VRTN: variants seen among roughly 807,000 people sequenced by gnomAD.
VRTN encodes vertnin.
In VRTN, 5 loss-of-function variants were observed where a neutral mutation model predicts 18.2. The ratio of observed to expected loss-of-function variants is 0.27; its 90% CI spans 0.14 to 0.58. The LOEUF is 0.58. Ranked by LOEUF, VRTN falls within the 20% of genes least tolerant of loss-of-function variation. The pLI is 0.91. For missense variants in VRTN, 741 were observed against 939.4 expected (o/e 0.79, Z 2.76); for synonymous variants, 381 against 393.7 (o/e 0.97, Z 0.38).
At chr14:74,344,990 T>C (rs1188538498), upstream of VRTN, among the ~76,000 whole-genome samples, 1 of 152,096 alleles carries the variant, frequency 6.6e-6, no homozygotes. Flanking sequence ...AGAGAAACTG[T>C]AGTAGAGAAA....
chr14:74,319,010 T>C lies in VRTN; in HGVS notation c.-164+15834T>C, dbSNP rs201016306. Among the ~76,000 whole-genome samples the C allele has an allele frequency of 1.3e-4, 19 of 147,856 alleles. No homozygotes were observed. The East Asian group carries it at 3.9e-3, about 30-fold the overall frequency. ...GATTACAGGCATGAGCCACTGTGCC[T>C]GGTCTCGGGATTTTTTTTTGTTGTT... is the stretch of plus-strand genomic sequence containing the variant. On this transcript the variant is annotated intron_variant, in intron 1 of 2. Coordinates refer to the VRTN transcript ENST00000557177.
rs184478228 is a variant in VRTN at position 74,358,940 on chromosome 14, G to T, written c.*48G>T. 34 of 1,561,840 alleles carry T rather than the reference G, an allele frequency of 2.2e-5. No homozygotes were observed. In the Admixed American group the frequency reaches 5.2e-4, roughly 24 times the overall value. ...GGAAGAAGGGGGACCAGTTTGGAGAGGGTCAGGGACCTGAGCTGACCCCAG... is the reference window on the plus strand; with the variant it reads ...GGAAGAAGGGGGACCAGTTTGGAGATGGTCAGGGACCTGAGCTGACCCCAG... On this transcript the variant is annotated 3_prime_UTR_variant, in exon 2 of 2. Transcript: ENST00000256362. The surrounding 1 kb of genome is among the most constrained non-coding windows in gnomAD (Gnocchi z 5.4).
intron 1 of VRTN, among the ~76,000 whole-genome samples, chr14:74,321,024 T>C (rs2085452995): frequency 6.6e-6 from 1 of 151,604 alleles, no homozygotes; most frequent in South Asian, 2.1e-4. Flanking sequence ...GCATATAAAG[T>C]TTATCAGTGG....
Position 74,322,849 on chromosome 14 carries a change from A to G in VRTN, c.-163-14874A>G, listed in dbSNP as rs114226566. ...AGTGAATGAACTTAAAAAGCATACTAGGGACCGGGCACGGTGGCTCACGCC... is the reference window on the plus strand; with the variant it reads ...AGTGAATGAACTTAAAAAGCATACTGGGGACCGGGCACGGTGGCTCACGCC... On this transcript the variant is annotated intron_variant, in intron 1 of 2. Coordinates refer to the VRTN transcript ENST00000557177. Among the ~76,000 whole-genome samples the G allele has an allele frequency of 4.8e-3, 730 of 152,276 alleles. 3 individuals carry two copies. The highest frequency in any genetic ancestry group is 0.017 in the African/African-American group (695 of 41,558).
rs562837416 is a variant in VRTN, at chr14:74,334,928, A to T, written c.-163-2795A>T. On this transcript the variant is annotated intron_variant, in intron 1 of 2. Coordinates refer to the VRTN transcript ENST00000557177. ...ATTGAGTAACTTGAAGAATACGAAG[A>T]CAAAGAGTATGATTCCTGCCTTCAA... is the stretch of plus-strand genomic sequence containing the variant. Among the ~76,000 whole-genome samples the T allele has an allele frequency of 7.2e-5, 11 of 152,304 alleles. No individual in the cohort carries two copies. The South Asian group carries it at 2.3e-3, about 32-fold the overall frequency.
chr14:74,334,488 C>T (rs1261967478), intron 1 of VRTN, among the ~76,000 whole-genome samples: 1 of 152,116 alleles, frequency 6.6e-6, no homozygotes, highest in East Asian at 1.9e-4. Context: ...TGAGATTGCA[C>T]CACTGCACTC....
chr14:74,332,185 A>G (rs1367855893), intron 1 of VRTN, among the ~76,000 whole-genome samples: 1 of 151,070 alleles, frequency 6.6e-6, no homozygotes, highest in African/African-American at 2.4e-5. Flanking sequence ...TGCACAGAGG[A>G]CCCCTCCCAA....
At chr14:74,333,244 G>A (rs995706853) in intron 1 of VRTN, among the ~76,000 whole-genome samples, 2 of 151,538 alleles carry the variant, frequency 1.3e-5, no homozygotes, top group African/African-American at 4.8e-5. Flanking sequence ...TTAACTGGGT[G>A]TGGTGGCATG....
intron 1 of VRTN, among the ~76,000 whole-genome samples, chr14:74,311,352 C>T (rs1460561159): frequency 6.6e-6 from 1 of 152,080 alleles, no homozygotes; most frequent in Non-Finnish European, 1.5e-5. Context: ...TAATATATTT[C>T]ACACATACCC....
chr14:74,310,845 TA>T (rs1357022808), intron 1 of VRTN, among the ~76,000 whole-genome samples: 2 of 152,074 alleles, frequency 1.3e-5, no homozygotes, highest in African/African-American at 4.8e-5. Flanking sequence ...GTGAGGTTTT[TA>T]AATTTTTCTT....
chr14:74,320,406 G>C (rs558988079), intron 1 of VRTN, among the ~76,000 whole-genome samples: 1 of 149,724 alleles, frequency 6.7e-6, no homozygotes, highest in South Asian at 2.1e-4. Flanking sequence ...GACTACAGGC[G>C]CCCGCCGCCA....
At chr14:74,328,931 T>TTGAGACCAGACTGGCTATATAG (rs1315266730) in intron 1 of VRTN, among the ~76,000 whole-genome samples, 1 of 152,064 alleles carries the variant, frequency 6.6e-6, no homozygotes, top group Non-Finnish European at 1.5e-5. Context: ...GGTCAGGGGT[T>TTGAGACCAGACTGGCTATATAG]TGAGACCAGA....
At chr14:74,303,842 G>GCTTTT (rs1567031977) in intron 1 of VRTN, among the ~76,000 whole-genome samples, 1 of 120,870 alleles carries the variant, frequency 8.3e-6, no homozygotes, top group African/African-American at 4.0e-5. Context: ...GACAATTACA[G>GCTTTT]ATTTTTTTTT....
At chr14:74,320,898 T>TAA (rs766559301) in intron 1 of VRTN, among the ~76,000 whole-genome samples, 1,950 of 83,534 alleles carry the variant, frequency 0.023, 60 homozygotes, top group African/African-American at 0.05. Flanking sequence ...CCCATCTCTT[T>TAA]AAAAAAAAAA....
chr14:74,307,755 G>C (rs1304189021), intron 1 of VRTN, among the ~76,000 whole-genome samples: 1 of 151,670 alleles, frequency 6.6e-6, no homozygotes, highest in African/African-American at 2.4e-5. Flanking sequence ...TTTTGAGATG[G>C]AGTCTCGCTC....
At chr14:74,337,275 G>A (rs545807949) in intron 1 of VRTN, among the ~76,000 whole-genome samples, 6 of 152,184 alleles carry the variant, frequency 3.9e-5, no homozygotes, top group African/African-American at 1.4e-4. Context: ...CCTGGGAGGC[G>A]GAGGTTGCAG....
chr14:74,357,103 G>A lies in VRTN; in HGVS notation c.320G>A (p.Arg107His). ...GGCCTCAGCCTGGAGCTGCGGGCCC[G>A]CACCGTGGTAGAGATGCTGCTGCAC... ...DAGLSLELRARTVVEMLLHRH... is the reference protein window; with the variant it reads ...DAGLSLELRAHTVVEMLLHRH... Residue 107 changes from arginine (R) to histidine (H), a missense_variant, in exon 2 of 2, where the codon CGC (arginine) becomes CAC (histidine). This residue lies in a region of VRTN where 186 missense variants were observed against 288.3 expected (regional missense o/e 0.65). Transcript: ENST00000256362. The surrounding 1 kb of genome is among the most constrained non-coding windows in gnomAD (Gnocchi z 7.8). 1 of 1,603,250 alleles carries A rather than the reference G, an allele frequency of 6.2e-7. No homozygotes were observed. The highest frequency in any genetic ancestry group is 8.5e-7 in the Non-Finnish European group (1 of 1,177,032).
At position 74,348,979 on chromosome 14, in the gene VRTN, C is replaced by G. The variant is rs1001928122; in HGVS notation, c.-2+327C>G. On this transcript the variant is annotated intron_variant, in intron 1 of 1. Transcript: ENST00000256362. ...GTTCCCCGGGCTTCTCAGGTTGGAT[C>G]CCTCGTCCCTGGAGCCCCGGACCTG... is the stretch of plus-strand genomic sequence containing the variant. 2.0e-5 allele frequency among the ~76,000 whole-genome samples: 3 copies of G among 151,022 alleles called. No individual in the cohort carries two copies. In the East Asian group the frequency reaches 5.9e-4, roughly 30 times the overall value.
At chr14:74,338,885 C>G (rs1046903009) in intron 2 of VRTN, among the ~76,000 whole-genome samples, 2 of 152,030 alleles carry the variant, frequency 1.3e-5, no homozygotes, top group Non-Finnish European at 2.9e-5. Context: ...CCACCATGCC[C>G]GGCTAATTTT....
Sources: gnomAD v4.1 joint callset for allele counts (sites outside exome capture counted in the v4.1 genomes callset) on GRCh38, gnomAD v4.1.1 for gene constraint, gnomAD v4.1.1 regional missense constraint, Gnocchi (gnomAD v3.1) non-coding constraint, MANE v1.5 for transcripts, NCBI Gene and HGNC (gene_info 2026-07-23, HGNC 2026-07-21) for gene names.